Variants in RGS7 observed in about 807,000 individuals in gnomAD.
The protein encoded by RGS7 is regulator of G-protein signaling 7.
RGS7 carries 27 observed loss-of-function variants against 81.1 expected under a neutral mutation model. The ratio of observed to expected loss-of-function variants is 0.33; its 90% CI spans 0.25 to 0.46. RGS7 has a LOEUF of 0.46. RGS7 is among the 20% of genes least tolerant of loss of function. RGS7 has a pLI of 1.00. For synonymous variants in RGS7, 208 were observed against 207.7 expected, an observed-to-expected ratio of 1.00 and a Z score of -0.01; for missense variants, 396 against 607.4, an observed-to-expected ratio of 0.65 and a Z score of 3.66.
intron 2 of RGS7, among the ~76,000 whole-genome samples, chr1:241,120,834 T>G (rs1221027734): frequency 6.6e-6 from 1 of 151,980 alleles, no homozygotes; most frequent in Admixed American, 6.6e-5. Flanking sequence ...TGGAGTTTGG[T>G]GTCCACAGTT....
chr1:240,838,859 T>C (rs1695135691), intron 9 of RGS7, among the ~76,000 whole-genome samples: 1 of 151,918 alleles, frequency 6.6e-6, no homozygotes, highest in East Asian at 1.9e-4. Flanking sequence ...CTCCGCCTCC[T>C]AGGTTCACGC....
chr1:241,287,894 T>G (rs1043487592), intron 2 of RGS7, among the ~76,000 whole-genome samples: 2 of 152,170 alleles, frequency 1.3e-5, no homozygotes, highest in Non-Finnish European at 2.9e-5. Context: ...AATAAAAATA[T>G]ATGACACTGG....
chr1:240,994,284 T>C (rs1051741466), intron 3 of RGS7, among the ~76,000 whole-genome samples: 37 of 152,358 alleles, frequency 2.4e-4, no homozygotes, highest in African/African-American at 8.4e-4. Context: ...CTGGCTTTTA[T>C]ACAAGGTTAT....
intron 2 of RGS7, among the ~76,000 whole-genome samples, chr1:241,255,692 C>A (rs2341646): frequency 0.71 from 108,471 of 152,056 alleles, 39,132 homozygotes; most frequent in East Asian, 0.98. Context: ...GAGAATTCTG[C>A]ATTCATATGC....
chr1:241,098,573 G>T, intron 3 of RGS7, 93 bp downstream of exon 3: 1 of 830,922 alleles, frequency 1.2e-6, no homozygotes. Context: ...ATGGATTAGA[G>T]ACAGAGTTTC....
At chr1:241,184,772 C>A (rs755638625) in intron 2 of RGS7, among the ~76,000 whole-genome samples, 1 of 151,920 alleles carries the variant, frequency 6.6e-6, no homozygotes. Flanking sequence ...CAAAAAAAAA[C>A]CCCGAATTCA....
At chr1:241,035,696 A>G (rs982781597) in intron 3 of RGS7, among the ~76,000 whole-genome samples, 9 of 152,140 alleles carry the variant, frequency 5.9e-5, no homozygotes, top group African/African-American at 2.2e-4. Flanking sequence ...CAGCACCACT[A>G]TCACCATTAT....
At chr1:241,021,488 T>C (rs908229457) in intron 3 of RGS7, among the ~76,000 whole-genome samples, 1 of 152,222 alleles carries the variant, frequency 6.6e-6, no homozygotes, top group African/African-American at 2.4e-5. Flanking sequence ...CTCCGATTGG[T>C]GCACAGCTAT....
intron 6 of RGS7, among the ~76,000 whole-genome samples, chr1:240,912,008 A>G (rs185900642): frequency 3.3e-5 from 5 of 151,548 alleles, no homozygotes; most frequent in Non-Finnish European, 5.9e-5. Context: ...AAAATTAGCC[A>G]GGCGAAGTGG....
intron 6 of RGS7, among the ~76,000 whole-genome samples, chr1:240,912,427 C>T (rs1236024214): frequency 6.6e-6 from 1 of 152,096 alleles, no homozygotes; most frequent in African/African-American, 2.4e-5. Flanking sequence ...AATGTCAATG[C>T]TTGAGCTACA....
At chr1:241,051,268 G>A (rs954853061) in intron 3 of RGS7, among the ~76,000 whole-genome samples, 11 of 152,242 alleles carry the variant, frequency 7.2e-5, no homozygotes, top group Admixed American at 6.5e-4. Context: ...CATGGAAACT[G>A]GCATATTCAC....
At chr1:240,805,804 A>G (rs565843150) in intron 15 of RGS7, among the ~76,000 whole-genome samples, 1 of 152,306 alleles carries the variant, frequency 6.6e-6, no homozygotes, top group Non-Finnish European at 1.5e-5. Flanking sequence ...AAAATGTTTT[A>G]AAAAATCTTT....
chr1:240,868,835 C>T lies in RGS7; in HGVS notation c.468G>A (p.Leu156=). The change falls in exon 8 of 19, where the codon CTG becomes CTA. Residue 156 remains leucine, a synonymous_variant. Transcript: ENST00000440928. This position sits in a 1 kb window ranked among gnomAD's most constrained non-coding sequence, Gnocchi z 5.1. Reference sequence around the variant, plus strand: ...CCCACTTCCGGGCAAATGCTCTCTGCAGCCTGGCCAGGCTCTCCTGAAAAA... The same window carrying T: ...CCCACTTCCGGGCAAATGCTCTCTGTAGCCTGGCCAGGCTCTCCTGAAAAA... ...ADYEAESLAR[L]QRAFARKWEF... The T allele has an allele frequency of 6.2e-7, 1 of 1,614,056 alleles. No homozygotes were observed. The highest frequency in any genetic ancestry group is 8.5e-7 in the Non-Finnish European group (1 of 1,180,006).
At chr1:241,168,655 A>AAT (rs985775655) in intron 2 of RGS7, among the ~76,000 whole-genome samples, 42 of 152,128 alleles carry the variant, frequency 2.8e-4, no homozygotes, top group African/African-American at 9.6e-4. Context: ...AATAAAAAGG[A>AAT]ATATATATAC....
chr1:240,990,754 T>C (rs1448311691), intron 3 of RGS7, among the ~76,000 whole-genome samples: 1 of 152,224 alleles, frequency 6.6e-6, no homozygotes, highest in Non-Finnish European at 1.5e-5. Flanking sequence ...ATAACACCTA[T>C]GAAATCTCAA....
chr1:241,093,558 C>A (rs2064035933), intron 3 of RGS7, among the ~76,000 whole-genome samples: 1 of 152,064 alleles, frequency 6.6e-6, no homozygotes, highest in South Asian at 2.1e-4. Flanking sequence ...AGACACCAAT[C>A]CCATATTTTT....
chr1:241,081,106 G>A (rs1030024855), intron 3 of RGS7, among the ~76,000 whole-genome samples: 1 of 151,946 alleles, frequency 6.6e-6, no homozygotes, highest in Non-Finnish European at 1.5e-5. Context: ...CCCTTTAATG[G>A]GCCTTAACTG....
At chr1:240,805,361 G>A (rs1242582713) in intron 15 of RGS7, among the ~76,000 whole-genome samples, 1 of 148,988 alleles carries the variant, frequency 6.7e-6, no homozygotes, top group African/African-American at 2.5e-5. Context: ...GTAACAGAGA[G>A]AGAACTTGTT....
intron 3 of RGS7, among the ~76,000 whole-genome samples, chr1:241,061,399 G>A (rs777627188): frequency 2.0e-5 from 3 of 152,096 alleles, no homozygotes; most frequent in Non-Finnish European, 4.4e-5. Flanking sequence ...AGAAGAGTTC[G>A]ACAGAATTGA....
Sources: gnomAD v4.1 joint callset for allele counts (sites outside exome capture counted in the v4.1 genomes callset) on GRCh38, gnomAD v4.1.1 for gene constraint, Gnocchi (gnomAD v3.1) non-coding constraint, MANE v1.5 for transcripts, NCBI Gene and HGNC (gene_info 2026-07-23, HGNC 2026-07-21) for gene names.